GTF2A1L: variants seen among roughly 807,000 people sequenced by gnomAD.
GTF2A1L encodes the protein general transcription factor IIA subunit 1 like.
GTF2A1L carries 48 observed loss-of-function variants against 49.7 expected under a neutral mutation model. That is an observed-to-expected ratio of 0.97 (90% CI 0.77 to 1.23). The LOEUF is 1.23. GTF2A1L is among the 50% of genes most tolerant of loss of function. The pLI, the probability that GTF2A1L is intolerant of heterozygous loss-of-function variation, is 0.00. For synonymous variants in GTF2A1L, 246 were observed against 193.5 expected, an observed-to-expected ratio of 1.27 and a Z score of -2.25; for missense variants, 736 against 564.8, an observed-to-expected ratio of 1.30 and a Z score of -3.07.
chr2:48,679,437 T>C lies in GTF2A1L; in HGVS notation c.1432T>C (p.Trp478Arg). The change falls in exon 9 of 9, where the codon TGG becomes CGG. Residue 478 changes from tryptophan to arginine, a missense_variant. Physicochemically the swap from Trp to Arg is moderately radical, Grantham distance 101 (BLOSUM62 -3). Coordinates refer to ENST00000403751, the MANE Select transcript of GTF2A1L (RefSeq NM_006872.5). ...TGCAAAAGCCATTGGTGATGCAGAGTGGTAAACCTTGTGAGCTCAGTACAT... is the reference window on the plus strand; with the variant it reads ...TGCAAAAGCCATTGGTGATGCAGAGCGGTAAACCTTGTGAGCTCAGTACAT... ...VFAKAIGDAEW is the reference protein window; with the variant it reads ...VFAKAIGDAER 3 of 1,612,282 alleles carry C rather than the reference T, an allele frequency of 1.9e-6. No individual in the cohort carries two copies. Among genetic ancestry groups the C allele is most frequent in the Admixed American group, 1.7e-5 (1 of 59,818 alleles).
intron 3 of GTF2A1L, among the ~76,000 whole-genome samples, chr2:48,625,597 T>G (rs1030269227): frequency 1.4e-5 from 2 of 143,176 alleles, no homozygotes; most frequent in African/African-American, 5.0e-5. Context: ...TATTTTATTT[T>G]TTTGAGGGAG....
chr2:48,619,755 A>G (rs1051465539), intron 1 of GTF2A1L, among the ~76,000 whole-genome samples: 1 of 152,206 alleles, frequency 6.6e-6, no homozygotes, highest in African/African-American at 2.4e-5. Context: ...CATAGTTTAT[A>G]TAGATATGAA....
At chr2:48,673,932 G>C (rs193204903) in intron 8 of GTF2A1L, among the ~76,000 whole-genome samples, 2 of 152,230 alleles carry the variant, frequency 1.3e-5, no homozygotes, top group Non-Finnish European at 2.9e-5. Flanking sequence ...CTGGTTCAGG[G>C]GAGAAGGGTG....
At chr2:48,661,388 G>T (rs1362205184) in intron 6 of GTF2A1L, among the ~76,000 whole-genome samples, 1 of 150,410 alleles carries the variant, frequency 6.6e-6, no homozygotes, top group Non-Finnish European at 1.5e-5. Context: ...TGAGTAGCCG[G>T]GATTATAGGT....
At chr2:48,653,902 C>G (rs1408840755) in intron 6 of GTF2A1L, among the ~76,000 whole-genome samples, 6 of 115,416 alleles carry the variant, frequency 5.2e-5, no homozygotes, top group Non-Finnish European at 9.7e-5. Context: ...GCCTGGGAGA[C>G]AGAGTGAGAC....
chr2:48,678,166 T>C (rs1679576628), intron 8 of GTF2A1L, among the ~76,000 whole-genome samples: 2 of 152,052 alleles, frequency 1.3e-5, no homozygotes, highest in South Asian at 4.1e-4. Flanking sequence ...AACATTGAAC[T>C]ATTGTTGTAT....
chr2:48,667,790 C>G (rs187735392), intron 6 of GTF2A1L, among the ~76,000 whole-genome samples: 4 of 152,064 alleles, frequency 2.6e-5, no homozygotes, highest in East Asian at 3.9e-4. Context: ...GGGTTTGAAT[C>G]CTAGAAGGGC....
At chr2:48,670,081 C>G (rs1679084551) in intron 7 of GTF2A1L, 99 bp downstream of exon 7, 3 of 1,468,486 alleles carry the variant, frequency 2.0e-6, no homozygotes, top group Non-Finnish European at 2.7e-6. Flanking sequence ...TTAATCTTTT[C>G]TTTACTCTTT....
At chr2:48,638,355 G>A (rs543741553) in intron 3 of GTF2A1L, among the ~76,000 whole-genome samples, 1 of 152,282 alleles carries the variant, frequency 6.6e-6, no homozygotes, top group South Asian at 2.1e-4. Context: ...GAATTTAGCA[G>A]CACATCAAAA....
At chr2:48,663,710 G>A (rs1678649634) in intron 6 of GTF2A1L, among the ~76,000 whole-genome samples, 1 of 152,100 alleles carries the variant, frequency 6.6e-6, no homozygotes, top group Admixed American at 6.5e-5. Flanking sequence ...GCAGGTCATA[G>A]CTCACTGCAG....
chr2:48,642,310 T>C (rs1677242414), intron 3 of GTF2A1L, 92 bp from the exon 4 acceptor site: 13 of 1,231,250 alleles, frequency 1.1e-5, no homozygotes, highest in Non-Finnish European at 1.4e-5. Context: ...CTGTTAGTGA[T>C]AGAAAATATT....
intron 3 of GTF2A1L, among the ~76,000 whole-genome samples, chr2:48,626,307 C>A (rs1676288350): frequency 7.0e-6 from 1 of 143,612 alleles, no homozygotes; most frequent in African/African-American, 2.5e-5. Flanking sequence ...AAATGTGATA[C>A]CTCCAACTCT....
chr2:48,662,870 G>A (rs1430671452), intron 6 of GTF2A1L, among the ~76,000 whole-genome samples: 2 of 151,858 alleles, frequency 1.3e-5, no homozygotes, highest in East Asian at 1.9e-4. Context: ...ACAAGAACAC[G>A]TGGATACTAG....
chr2:48,669,753 G>T lies in GTF2A1L; in HGVS notation c.1010G>T (p.Arg337Leu). Residue 337 changes from arginine to leucine, a missense_variant, in exon 7 of 9, where the codon CGG (arginine) becomes CTG (leucine). By Grantham distance (102) the Arg-to-Leu change is moderately radical. Coordinates refer to ENST00000403751, the MANE Select transcript of GTF2A1L (RefSeq NM_006872.5). ...AATTCTCAGGTGGATTTAAGCATTCGGGTTACTGATGATGATATTGGTGAA... is the reference window on the plus strand; with the variant it reads ...AATTCTCAGGTGGATTTAAGCATTCTGGTTACTGATGATGATATTGGTGAA... ...DSNSQVDLSI[R>L]VTDDDIGEII... The T allele has an allele frequency of 6.2e-7, 1 of 1,610,536 alleles. No homozygotes were observed. The highest frequency in any genetic ancestry group is 8.5e-7 in the Non-Finnish European group (1 of 1,177,954).
chr2:48,637,788 C>T (rs958292009), intron 3 of GTF2A1L, among the ~76,000 whole-genome samples: 1 of 151,950 alleles, frequency 6.6e-6, no homozygotes, highest in Non-Finnish European at 1.5e-5. Context: ...AATGTTACCA[C>T]TGACCCCACA....
chr2:48,678,170 G>A (rs1180464429), intron 8 of GTF2A1L, among the ~76,000 whole-genome samples: 1 of 151,804 alleles, frequency 6.6e-6, no homozygotes, highest in East Asian at 1.9e-4. Flanking sequence ...TTGAACTATT[G>A]TTGTATATCT....
At chr2:48,632,896 C>T in intron 3 of GTF2A1L, 2 of 248,432 alleles carry the variant, frequency 8.1e-6, no homozygotes, top group Non-Finnish European at 1.6e-5. Context: ...AAATCATATA[C>T]AGGGTCACAC....
At chr2:48,629,018 C>T (rs770542764) in intron 3 of GTF2A1L, among the ~76,000 whole-genome samples, 5 of 142,740 alleles carry the variant, frequency 3.5e-5, no homozygotes, top group African/African-American at 5.0e-5. Flanking sequence ...CCGAGGTGGG[C>T]GGATCATGAG....
At chr2:48,620,724 C>T (rs1675939356) in intron 1 of GTF2A1L, 127 bp from the exon 2 acceptor site, 1 of 474,446 alleles carries the variant, frequency 2.1e-6, no homozygotes, top group African/African-American at 2.1e-5. Context: ...TTGCAGTGAA[C>T]TGAGTTCGTG....
Sources: gnomAD v4.1 joint callset for allele counts (sites outside exome capture counted in the v4.1 genomes callset) on GRCh38, gnomAD v4.1.1 for gene constraint, MANE v1.5 for transcripts, NCBI Gene and HGNC (gene_info 2026-07-23, HGNC 2026-07-21) for gene names.